Variants in CREB5 observed in about 807,000 individuals in gnomAD.
CREB5 encodes the protein cAMP responsive element binding protein 5, also known as cyclic AMP-responsive element-binding protein 5.
CREB5 carries 19 observed loss-of-function variants against 57.1 expected under a neutral mutation model. The ratio of observed to expected loss-of-function variants is 0.33; its 90% CI spans 0.23 to 0.49. The LOEUF is 0.49. Among genes scored for constraint, CREB5 ranks in the 20% least tolerant of loss-of-function variants. CREB5 has a pLI of 0.99. For missense variants in CREB5, 579 were observed against 671.6 expected (o/e 0.86, Z 1.52); for synonymous variants, 238 against 238.3 (o/e 1.00, Z 0.01).
At chr7:28,507,439 G>A (rs184448292) in intron 3 of CREB5, among the ~76,000 whole-genome samples, 177 bp from the exon 4 acceptor site, 1 of 152,218 alleles carries the variant, frequency 6.6e-6, no homozygotes, top group East Asian at 1.9e-4. Flanking sequence ...TTCCTGCTTC[G>A]GAATTTACGG....
chr7:28,821,967 G>T lies in CREB5; in HGVS notation c.*2688G>T, dbSNP rs1055581237. On this transcript the variant is annotated 3_prime_UTR_variant, in exon 11 of 11. Transcript: ENST00000357727. ...TACAATGATGGTTTAGTTTACTTCT[G>T]TTCCACCTTTTGATTGAAATATTTA... 1 of 152,640 alleles carries T rather than the reference G, an allele frequency of 6.6e-6. No homozygotes were observed. Among genetic ancestry groups the T allele is most frequent in the Non-Finnish European group, 1.5e-5 (1 of 68,038 alleles). The allele number at this position is 152,640 out of a possible 1,614,324, so 9.5% of individuals were successfully genotyped here. A position where few individuals can be genotyped will look rare whatever the true frequency, so the allele number is the denominator to read the frequency against.
chr7:28,311,066 G>C, intron 1 of CREB5, among the ~76,000 whole-genome samples: 1 of 146,002 alleles, frequency 6.8e-6, no homozygotes, highest in East Asian at 2.1e-4. Context: ...GGCTGAGGCA[G>C]GTGGATCACG....
At chr7:28,695,800 C>T (rs556702730) in intron 5 of CREB5, among the ~76,000 whole-genome samples, 2 of 152,302 alleles carry the variant, frequency 1.3e-5, no homozygotes, top group African/African-American at 4.8e-5. Flanking sequence ...GGGCTCTGAA[C>T]ACACTGCTTC....
intron 1 of CREB5, among the ~76,000 whole-genome samples, chr7:28,444,763 T>G (rs1181399104): frequency 6.6e-6 from 1 of 152,186 alleles, no homozygotes; most frequent in Non-Finnish European, 1.5e-5. Context: ...TTCCCCCTGA[T>G]GCCAGAGAAA....
chr7:28,406,062 C>A (rs1434906711), intron 1 of CREB5, among the ~76,000 whole-genome samples: 1 of 152,118 alleles, frequency 6.6e-6, no homozygotes, highest in Non-Finnish European at 1.5e-5. Context: ...AAGAAAGAGA[C>A]CATTTTTTGT....
chr7:28,441,502 A>G (rs940748225), intron 1 of CREB5, among the ~76,000 whole-genome samples: 4 of 152,220 alleles, frequency 2.6e-5, no homozygotes, highest in Middle Eastern at 3.2e-3. Context: ...TACCTCCCAG[A>G]ATGATTGAGA....
chr7:28,753,944 ATAT>A (rs1240568943), intron 7 of CREB5, among the ~76,000 whole-genome samples: 1 of 151,908 alleles, frequency 6.6e-6, no homozygotes, highest in Non-Finnish European at 1.5e-5. Flanking sequence ...GATCTTTTTT[ATAT>A]TATTCTTTTC....
chr7:28,331,592 T>G lies in CREB5; in HGVS notation c.-25+32151T>G, dbSNP rs539263440. Among the ~76,000 whole-genome samples, 5 of 152,136 alleles carry G rather than the reference T, an allele frequency of 3.3e-5. No homozygotes were observed. The East Asian group carries it at 9.7e-4, about 29-fold the overall frequency. On this transcript the variant is annotated intron_variant, in intron 1 of 9. Coordinates refer to the CREB5 transcript ENST00000396299. ...TTTTACTCCTACACTTTGCACATGC[T>G]TTTAGAAAGAATTTTGGGAGGCCAA...
chr7:28,782,302 C>T (rs1807034124), intron 7 of CREB5, among the ~76,000 whole-genome samples: 1 of 152,052 alleles, frequency 6.6e-6, no homozygotes, highest in African/African-American at 2.4e-5. Context: ...TTATATTGGC[C>T]TTGCAATCTC....
At chr7:28,347,786 T>G (rs1224787798) in intron 1 of CREB5, among the ~76,000 whole-genome samples, 1 of 152,208 alleles carries the variant, frequency 6.6e-6, no homozygotes, top group Non-Finnish European at 1.5e-5. Flanking sequence ...GATTCAGCTG[T>G]AGCAGCATAT....
At chr7:28,463,673 C>T (rs1333141194) in intron 1 of CREB5, among the ~76,000 whole-genome samples, 1 of 152,096 alleles carries the variant, frequency 6.6e-6, no homozygotes, top group Non-Finnish European at 1.5e-5. Flanking sequence ...TATTTTGATG[C>T]TTACTGTAAA....
chr7:28,551,867 TCTTTTTC>T (rs1303930576), intron 4 of CREB5, among the ~76,000 whole-genome samples: 1 of 143,446 alleles, frequency 7.0e-6, no homozygotes, highest in African/African-American at 2.5e-5. Context: ...TTTCTTTCTT[TCTTTTTC>T]TTTCTTTCTT....
intron 1 of CREB5, among the ~76,000 whole-genome samples, chr7:28,350,110 G>A (rs913150559): frequency 1.3e-5 from 2 of 152,176 alleles, no homozygotes; most frequent in African/African-American, 2.4e-5. Flanking sequence ...AGGACAAAGT[G>A]TTTACTTTTG....
chr7:28,418,366 A>C (rs1788103455), intron 1 of CREB5, among the ~76,000 whole-genome samples: 1 of 152,220 alleles, frequency 6.6e-6, no homozygotes, highest in Non-Finnish European at 1.5e-5. Flanking sequence ...GTATAAAATA[A>C]AAAATAATTT....
chr7:28,795,755 C>CTCTTTCTTT (rs1807998057), intron 7 of CREB5, among the ~76,000 whole-genome samples: 1 of 137,518 alleles, frequency 7.3e-6, no homozygotes, highest in African/African-American at 2.7e-5. Context: ...GTTTTTCTTT[C>CTCTTTCTTT]TTTTTTTTTT....
chr7:28,495,212 A>C (rs1056202202), intron 3 of CREB5, among the ~76,000 whole-genome samples: 3 of 152,172 alleles, frequency 2.0e-5, no homozygotes, highest in Non-Finnish European at 4.4e-5. Context: ...ATGTATTACT[A>C]TGCAACTTGG....
At chr7:28,724,390 ACT>A in intron 7 of CREB5, 58 bp downstream of exon 7, 1 of 1,445,664 alleles carries the variant, frequency 6.9e-7, no homozygotes. Flanking sequence ...TTTGAATTTT[ACT>A]CTGACTCCAA....
At chr7:28,779,220 G>C (rs1264038203) in intron 7 of CREB5, 1 of 152,144 alleles carries the variant, frequency 6.6e-6, no homozygotes, top group African/African-American at 2.4e-5. Context: ...GTTCTTTCCT[G>C]GAAGAAGAGT....
chr7:28,809,925 T>TTATC (rs1809006972), intron 9 of CREB5, among the ~76,000 whole-genome samples: 2 of 152,202 alleles, frequency 1.3e-5, no homozygotes, highest in African/African-American at 4.8e-5. Context: ...TTATACTTGA[T>TTATC]TATCTCTATT....
Sources: gnomAD v4.1 joint callset for allele counts (sites outside exome capture counted in the v4.1 genomes callset) on GRCh38, gnomAD v4.1.1 for gene constraint, MANE v1.5 for transcripts, NCBI Gene and HGNC (gene_info 2026-07-23, HGNC 2026-07-21) for gene names.